ANO4: variants seen among roughly 807,000 people sequenced by gnomAD.
ANO4 encodes the protein anoctamin 4.
In ANO4, 69 loss-of-function variants were observed where a neutral mutation model predicts 141.9. That is an observed-to-expected ratio of 0.49 (90% CI 0.40 to 0.59). The LOEUF is 0.59. Ranked by LOEUF, ANO4 falls within the 20% of genes least tolerant of loss-of-function variation. The pLI, the probability that ANO4 is intolerant of heterozygous loss-of-function variation, is 0.00. For missense variants in ANO4, 894 were observed against 1,162.2 expected (o/e 0.77, Z 3.36); for synonymous variants, 350 against 394.3 (o/e 0.89, Z 1.33).
intron 9 of ANO4, among the ~76,000 whole-genome samples, chr12:101,035,631 C>T (rs2047162914): frequency 6.6e-6 from 1 of 152,084 alleles, no homozygotes; most frequent in African/African-American, 2.4e-5. Context: ...AAAGTCATAC[C>T]ACTAGTCCAA....
At chr12:100,959,009 A>G (rs1319500852) in intron 5 of ANO4, among the ~76,000 whole-genome samples, 2 of 152,074 alleles carry the variant, frequency 1.3e-5, no homozygotes, top group African/African-American at 4.8e-5. Flanking sequence ...AAGATCTCGA[A>G]TAGGTGGGGG....
intron 26 of ANO4, 39 bp from the exon 27 acceptor site, chr12:101,126,840 A>T: frequency 6.4e-7 from 1 of 1,572,496 alleles, no homozygotes; most frequent in South Asian, 1.1e-5. Context: ...TTCAGGATGC[A>T]CAGTAGACCT....
chr12:100,907,622 GTTC>G lies in ANO4; in HGVS notation c.55+5784_55+5786del, dbSNP rs577892669. 6.2e-3 allele frequency among the ~76,000 whole-genome samples: 945 copies of G among 152,296 alleles called. 4 individuals are homozygous for G. The highest frequency in any genetic ancestry group is 8.9e-3 in the Non-Finnish European group (603 of 68,024). On this transcript the variant is annotated intron_variant, in intron 2 of 27. Transcript: ENST00000392977. ...GATTTTATGTTGTTTGTCAAAATCTGTTCTACTCAGCAGATATAGGTTAGCATT... is the reference window on the plus strand; with the variant it reads ...GATTTTATGTTGTTTGTCAAAATCTGTACTCAGCAGATATAGGTTAGCATT...
At chr12:100,872,957 G>A (rs1015540164) in intron 1 of ANO4, among the ~76,000 whole-genome samples, 1 of 152,160 alleles carries the variant, frequency 6.6e-6, no homozygotes, top group Non-Finnish European at 1.5e-5. Context: ...TCTTGTGATA[G>A]TGAGTTCTCA....
intron 14 of ANO4, among the ~76,000 whole-genome samples, chr12:101,071,382 A>G (rs1237714706): frequency 6.6e-6 from 1 of 151,898 alleles, no homozygotes; most frequent in Non-Finnish European, 1.5e-5. Flanking sequence ...TTACAACAAC[A>G]TGGAGGGAAC....
intron 2 of ANO4, among the ~76,000 whole-genome samples, chr12:100,738,199 C>T (rs551362615): frequency 1.3e-5 from 2 of 152,294 alleles, no homozygotes; most frequent in South Asian, 4.1e-4. Flanking sequence ...CTGCCTCCCT[C>T]CCCAAGAGGG....
chr12:101,028,859 A>G (rs1262136132), intron 9 of ANO4, among the ~76,000 whole-genome samples: 2 of 152,168 alleles, frequency 1.3e-5, no homozygotes, highest in African/African-American at 4.8e-5. Context: ...CAAGAAGATC[A>G]ACCCCAAGAA....
intron 5 of ANO4, among the ~76,000 whole-genome samples, chr12:100,962,342 G>T (rs1014535771): frequency 6.6e-6 from 1 of 152,206 alleles, no homozygotes; most frequent in East Asian, 1.9e-4. Context: ...GTGGAGAAGT[G>T]TACAGTCTCA....
intron 14 of ANO4, among the ~76,000 whole-genome samples, chr12:101,071,746 C>T (rs2048820125): frequency 6.6e-6 from 1 of 152,016 alleles, no homozygotes; most frequent in Non-Finnish European, 1.5e-5. Context: ...GATAGATACT[C>T]GATTTTCCAT....
chr12:101,030,986 A>G (rs906559128), intron 9 of ANO4, among the ~76,000 whole-genome samples: 5 of 152,230 alleles, frequency 3.3e-5, no homozygotes, highest in Non-Finnish European at 5.9e-5. Flanking sequence ...ACAGGTTCAC[A>G]GCCGAATTCT....
intron 23 of ANO4, among the ~76,000 whole-genome samples, 161 bp downstream of exon 23, chr12:101,110,717 A>G (rs1321625064): frequency 2.0e-5 from 3 of 152,228 alleles, no homozygotes; most frequent in Admixed American, 2.0e-4. Context: ...AATATTAGAC[A>G]AGAAGTAAAG....
chr12:100,935,021 G>A (rs571356628), intron 3 of ANO4, among the ~76,000 whole-genome samples: 6 of 152,242 alleles, frequency 3.9e-5, no homozygotes, highest in Admixed American at 6.5e-5. Context: ...TAAATATACA[G>A]TCATGTCATC....
In ANO4 at chr12:101,128,222, T is replaced by C. The variant is rs2051406399; in HGVS notation, c.*366T>C. ...TATCCCATGTGAATTTTACAGACAC[T>C]GGGCTAAAAAGGGTATTCAGACACA... is the stretch of plus-strand genomic sequence containing the variant. On this transcript the variant is annotated 3_prime_UTR_variant, in exon 28 of 28. Coordinates refer to ENST00000392977, the MANE Select transcript of ANO4 (RefSeq NM_001286615.2). The C allele has an allele frequency of 6.6e-6, 1 of 152,622 alleles. No individual in the cohort carries two copies. Among genetic ancestry groups the C allele is most frequent in the African/African-American group, 2.4e-5 (1 of 41,458 alleles). The allele number at this position is 152,622 out of a possible 1,614,324, so 9.5% of individuals were successfully genotyped here.
rs571063241 is a variant in ANO4 at position 100,905,158 on chromosome 12, G to A, written c.55+3318G>A. 4.7e-4 allele frequency among the ~76,000 whole-genome samples: 71 copies of A among 152,308 alleles called. 1 individual carries two copies. Among genetic ancestry groups the A allele is most frequent in the South Asian group, 8.3e-4 (4 of 4,818 alleles). On this transcript the variant is annotated intron_variant, in intron 2 of 27. Coordinates refer to ENST00000392977, the MANE Select transcript of ANO4 (RefSeq NM_001286615.2). ...ATTGAGAGCTGGCAAGATCTTGTGG[G>A]TGGTAGTTTGAGCTCCATGTCTGGA...
At position 100,939,420 on chromosome 12, in the gene ANO4, A is replaced by T. The variant is rs1485680358; in HGVS notation, c.266A>T (p.Asp89Val). 1 of 1,613,610 alleles carries T rather than the reference A, an allele frequency of 6.2e-7. No homozygotes were observed. The highest frequency in any genetic ancestry group is 1.7e-5 in the Admixed American group (1 of 59,988). ...CCTGGAAACCTGACTAGTACTTCAGATGATGCCAGCAGATTGGAAGCCGGG... is the reference window on the plus strand; with the variant it reads ...CCTGGAAACCTGACTAGTACTTCAGTTGATGCCAGCAGATTGGAAGCCGGG... ...LHPGNLTSTSDDASRLEAGGE... is the reference protein window; with the variant it reads ...LHPGNLTSTSVDASRLEAGGE... Residue 89 changes from aspartate to valine, a missense_variant, in exon 4 of 28, where the codon GAT becomes GTT. Around this residue, in one of 2 missense-constraint regions of ANO4, gnomAD observed 257 missense variants for 253.0 expected, o/e 1.02. Coordinates refer to ENST00000392977, the MANE Select transcript of ANO4 (RefSeq NM_001286615.2).
intron 14 of ANO4, among the ~76,000 whole-genome samples, chr12:101,050,903 G>T (rs2047838269): frequency 6.6e-6 from 1 of 152,138 alleles, no homozygotes; most frequent in African/African-American, 2.4e-5. Context: ...AATTTACTGT[G>T]CAATGAGTTA....
At chr12:101,015,274 T>C (rs539867582) in intron 8 of ANO4, among the ~76,000 whole-genome samples, 64 of 152,198 alleles carry the variant, frequency 4.2e-4, no homozygotes, top group Non-Finnish European at 4.7e-4. Context: ...TGTCCTCCCA[T>C]AGTCATTCTG....
intron 1 of ANO4, among the ~76,000 whole-genome samples, chr12:100,803,487 A>G (rs897080026): frequency 6.6e-6 from 1 of 152,236 alleles, no homozygotes; most frequent in Non-Finnish European, 1.5e-5. Context: ...GGGATTTCCC[A>G]ATATTCCCAT....
chr12:101,037,203 T>G (rs1224379835), intron 10 of ANO4, 53 bp downstream of exon 10: 10 of 1,569,874 alleles, frequency 6.4e-6, no homozygotes, highest in Non-Finnish European at 7.9e-6. Flanking sequence ...GTTACTAAAG[T>G]CAGCTTCTAG....
Sources: gnomAD v4.1 joint callset for allele counts (sites outside exome capture counted in the v4.1 genomes callset) on GRCh38, gnomAD v4.1.1 for gene constraint, gnomAD v4.1.1 regional missense constraint, MANE v1.5 for transcripts, NCBI Gene and HGNC (gene_info 2026-07-23, HGNC 2026-07-21) for gene names.